The following TLN2 variants were observed in gnomAD, a reference collection of about 807,000 sequenced individuals.
TLN2 encodes talin-2.
In TLN2, 118 loss-of-function variants were observed where a neutral mutation model predicts 294.7. The observed-to-expected ratio is 0.40, with a 90% CI of 0.34 to 0.47. The LOEUF is 0.47. Ranked by LOEUF, TLN2 falls within the 20% of genes least tolerant of loss-of-function variation. TLN2 has a pLI of 0.84. For synonymous variants in TLN2, 1,431 were observed against 1,304.5 expected (o/e 1.10, Z -2.09); for missense variants, 3,083 against 3,282.2 (o/e 0.94, Z 1.48).
intron 1 of TLN2, among the ~76,000 whole-genome samples, chr15:62,504,628 A>G (rs1346313065): frequency 6.6e-6 from 1 of 152,228 alleles, no homozygotes; most frequent in Non-Finnish European, 1.5e-5. Context: ...TCCATATGGA[A>G]AAAAGTGAAC....
At chr15:62,407,923 A>AAAAT (rs10626679) in intron 1 of TLN2, among the ~76,000 whole-genome samples, 33,615 of 148,164 alleles carry the variant, frequency 0.23, 4,202 homozygotes, top group Non-Finnish European at 0.28. Context: ...ACTCTGTCTC[A>AAAAT]AAATAAATAA....
At chr15:62,570,580 T>G (rs72753900) in intron 1 of TLN2, among the ~76,000 whole-genome samples, 4,655 of 152,336 alleles carry the variant, frequency 0.031, 103 homozygotes, top group Non-Finnish European at 0.048. Flanking sequence ...TGAACAAGTC[T>G]GAATATTCTC....
chr15:62,835,938 T>G lies in TLN2; in HGVS notation c.7239T>G (p.Asn2413Lys), dbSNP rs1286406092. 6.2e-7 allele frequency: 1 copy of G among 1,614,200 alleles called. No individual in the cohort carries two copies. Among genetic ancestry groups the G allele is most frequent in the East Asian group, 2.2e-5 (1 of 44,882 alleles). Reference protein sequence around the residue: ...AATSSLCEAANASVQGHASEE... With the variant: ...AATSSLCEAAKASVQGHASEE... Reference sequence around the variant, plus strand: ...CCAGCAGTCTCTGTGAGGCGGCCAATGCCTCCGTTCAGGGACACGCCAGCG... The same window carrying G: ...CCAGCAGTCTCTGTGAGGCGGCCAAGGCCTCCGTTCAGGGACACGCCAGCG... The change falls in exon 57 of 59, where the codon AAT becomes AAG. Residue 2413 changes from asparagine (N) to lysine (K), a missense_variant. Physicochemically the swap from Asn to Lys is moderately conservative, Grantham distance 94. Transcript: ENST00000636159.
intron 11 of TLN2, among the ~76,000 whole-genome samples, chr15:62,679,424 A>AT (rs2056588475): frequency 7.8e-6 from 1 of 127,892 alleles, no homozygotes; most frequent in Admixed American, 8.3e-5. Flanking sequence ...ATGCAATATC[A>AT]TTCAGCCATA....
chr15:62,797,674 C>A (rs2141134940), intron 48 of TLN2, among the ~76,000 whole-genome samples: 1 of 152,290 alleles, frequency 6.6e-6, no homozygotes, highest in East Asian at 1.9e-4. Flanking sequence ...TGGAGCACGG[C>A]ATACCTGAGG....
chr15:62,609,895 A>G (rs2047772425), intron 2 of TLN2, among the ~76,000 whole-genome samples: 1 of 152,222 alleles, frequency 6.6e-6, no homozygotes, highest in South Asian at 2.1e-4. Context: ...TCATCAAGCT[A>G]TAATGTTACT....
chr15:62,610,972 C>G (rs138138432), intron 2 of TLN2, among the ~76,000 whole-genome samples: 95 of 152,272 alleles, frequency 6.2e-4, no homozygotes, highest in African/African-American at 2.1e-3. Context: ...TTTCCCTTTT[C>G]TGGGCCACCA....
At chr15:62,588,146 C>T (rs1453498847) in intron 1 of TLN2, among the ~76,000 whole-genome samples, 3 of 152,064 alleles carry the variant, frequency 2.0e-5, no homozygotes, top group South Asian at 2.1e-4. Flanking sequence ...TCCCAAAGTG[C>T]TGGGATTACA....
chr15:62,769,188 C>T lies in TLN2; in HGVS notation c.5197-1776C>T, dbSNP rs540528880. 5.9e-4 allele frequency among the ~76,000 whole-genome samples: 90 copies of T among 152,338 alleles called. No homozygotes were observed. In the Middle Eastern group the frequency reaches 0.01, roughly 17 times the overall value. On this transcript the variant is annotated intron_variant, in intron 41 of 58. Transcript: ENST00000636159. Reference sequence around the variant, plus strand: ...CTAGAAAACATATAAGATTCTAATGCATTAAACATTTTGACTCCTCCTTTA... The same window carrying T: ...CTAGAAAACATATAAGATTCTAATGTATTAAACATTTTGACTCCTCCTTTA...
intron 1 of TLN2, among the ~76,000 whole-genome samples, chr15:62,456,343 G>A (rs1322261415): frequency 6.6e-6 from 1 of 152,196 alleles, no homozygotes; most frequent in East Asian, 1.9e-4. Context: ...CAGAGCTGCA[G>A]CAGTAGCAGC....
intron 57 of TLN2, chr15:62,838,024 A>G (rs1490921334): frequency 6.6e-6 from 1 of 152,198 alleles, no homozygotes; most frequent in Non-Finnish European, 1.5e-5. Flanking sequence ...GTCCCTGGGG[A>G]CATGTTTCAT....
intron 1 of TLN2, among the ~76,000 whole-genome samples, chr15:62,578,442 CTG>C (rs1464671491): frequency 2.0e-5 from 3 of 152,106 alleles, no homozygotes; most frequent in Non-Finnish European, 2.9e-5. Flanking sequence ...TGGTGCATGA[CTG>C]TAATCCCAGC....
At chr15:62,731,143 A>G (rs1180892632) in intron 28 of TLN2, among the ~76,000 whole-genome samples, 1 of 152,070 alleles carries the variant, frequency 6.6e-6, no homozygotes, top group African/African-American at 2.4e-5. Context: ...CCATTTGATT[A>G]TTTACTTATA....
intron 2 of TLN2, among the ~76,000 whole-genome samples, chr15:62,610,121 G>C (rs2140818270): frequency 1.3e-5 from 2 of 152,326 alleles, no homozygotes; most frequent in South Asian, 4.1e-4. Flanking sequence ...TTGCAAAAAA[G>C]ATGATCAGAA....
chr15:62,642,864 G>A (rs1185893967), intron 3 of TLN2, among the ~76,000 whole-genome samples: 1 of 152,006 alleles, frequency 6.6e-6, no homozygotes, highest in Non-Finnish European at 1.5e-5. Flanking sequence ...ACCACGCCCA[G>A]CTAATTTTTA....
At chr15:62,590,865 A>C (rs530901631) in intron 2 of TLN2, among the ~76,000 whole-genome samples, 1 of 152,226 alleles carries the variant, frequency 6.6e-6, no homozygotes, top group East Asian at 1.9e-4. Flanking sequence ...GGGACAGGTT[A>C]GTTAATCTTT....
chr15:62,657,951 T>C, intron 9 of TLN2, 53 bp downstream of exon 9: 1 of 1,542,046 alleles, frequency 6.5e-7, no homozygotes, highest in Non-Finnish European at 8.8e-7. Context: ...TTCTTTCTCT[T>C]TCAGCTTTTT....
intron 1 of TLN2, among the ~76,000 whole-genome samples, chr15:62,414,421 C>T (rs1006707286): frequency 7.2e-6 from 1 of 138,158 alleles, no homozygotes; most frequent in Non-Finnish European, 1.5e-5. Flanking sequence ...GTGCTGTGTT[C>T]AGCAGGCTCC....
rs2058789747 is a variant in TLN2 at position 62,702,695 on chromosome 15, G to A, written c.1906-71G>A. ...CAAATTCTGTGAGATTCTACTTCCT[G>A]TACTTCCATGTCTGATGGCACTGGA... On this transcript the variant is annotated intron_variant, in intron 18 of 58. Coordinates refer to ENST00000636159, the MANE Select transcript of TLN2 (RefSeq NM_015059.3). The A allele has an allele frequency of 4.1e-6, 6 of 1,456,402 alleles. No individual in the cohort carries two copies. The East Asian group carries it at 1.4e-4, about 33-fold the overall frequency. 90.2% of individuals were successfully genotyped at this position (1,456,402 alleles called of 1,614,324 possible).
Sources: gnomAD v4.1 joint callset for allele counts (sites outside exome capture counted in the v4.1 genomes callset) on GRCh38, gnomAD v4.1.1 for gene constraint, MANE v1.5 for transcripts, NCBI Gene and HGNC (gene_info 2026-07-23, HGNC 2026-07-21) for gene names.